Variants in NOVA2 observed in about 807,000 individuals in gnomAD.
The protein encoded by NOVA2 is RNA-binding protein Nova-2.
Under a neutral mutation model 22.5 loss-of-function variants are expected in NOVA2, and 9 were observed. The observed-to-expected ratio is 0.40, with a 90% CI of 0.24 to 0.70. The LOEUF (loss-of-function observed/expected upper bound fraction) is 0.70. NOVA2 is among the 30% of genes least tolerant of loss of function. NOVA2 has a pLI of 0.38. For missense variants in NOVA2, 383 were observed against 682.8 expected, an observed-to-expected ratio of 0.56 and a Z score of 4.89; for synonymous variants, 318 against 335.2, an observed-to-expected ratio of 0.95 and a Z score of 0.56.
intron 1 of NOVA2, among the ~76,000 whole-genome samples, chr19:45,972,455 C>T (rs1968244959): frequency 6.6e-6 from 1 of 152,156 alleles, no homozygotes; most frequent in African/African-American, 2.4e-5. Flanking sequence ...GTCCCCCACA[C>T]ACCTCCTTGC....
At position 45,973,351 on chromosome 19, in the gene NOVA2, TGG is replaced by T; in HGVS notation, c.-2_-1del. On this transcript the variant is annotated 5_prime_UTR_variant, in exon 1 of 4. Transcript: ENST00000263257. ...CGGGAATCCGGGGCCTCGGGCTCCATGGGGGGGGCCTGGGGCGGCGGCTGCTG... is the reference window on the plus strand; with the variant it reads ...CGGGAATCCGGGGCCTCGGGCTCCATGGGGGGCCTGGGGCGGCGGCTGCTG... 2 of 1,046,032 alleles carry T rather than the reference TGG, an allele frequency of 1.9e-6. No individual in the cohort carries two copies. The highest frequency in any genetic ancestry group is 2.4e-6 in the Non-Finnish European group (2 of 833,188). 64.8% of individuals were successfully genotyped at this position (1,046,032 alleles called of 1,614,324 possible).
chr19:45,942,282 C>A (rs996626700), intron 3 of NOVA2, among the ~76,000 whole-genome samples: 1 of 151,990 alleles, frequency 6.6e-6, no homozygotes, highest in East Asian at 1.9e-4. Flanking sequence ...GTCATTAGGG[C>A]GGGCCCTAAT....
Position 45,936,394 on chromosome 19 carries a change from A to G in NOVA2, c.*3469T>C, listed in dbSNP as rs1967653060. The G allele has an allele frequency of 6.6e-6, 1 of 151,728 alleles. No individual in the cohort carries two copies. Among genetic ancestry groups the G allele is most frequent in the Admixed American group, 6.6e-5 (1 of 15,242 alleles). The allele number at this position is 151,728 out of a possible 1,614,324, so 9.4% of individuals were successfully genotyped here. On this transcript the variant is annotated 3_prime_UTR_variant, in exon 4 of 4. Transcript: ENST00000263257. ...TTTTTTTTTTCTTACAAAGATTCTA[A>G]GAAAAACTCAGGGTGGGAGGGCTGT... is the stretch of plus-strand genomic sequence containing the variant.
chr19:45,943,892 G>A (rs966446071), intron 3 of NOVA2, among the ~76,000 whole-genome samples: 6 of 152,136 alleles, frequency 3.9e-5, no homozygotes, highest in Non-Finnish European at 7.4e-5. Context: ...AAGAGCTACT[G>A]AAATTTCCAG....
chr19:45,935,117 G>C lies in NOVA2; in HGVS notation c.*4746C>G, dbSNP rs566945214. ...AGAAGATGAGAGGTTGGTGGTTTTG[G>C]GGGGAGAGGTGGGGTAGGGAAAGGG... On this transcript the variant is annotated 3_prime_UTR_variant, in exon 4 of 4. Transcript: ENST00000263257. 17 of 151,292 alleles carry C rather than the reference G, an allele frequency of 1.1e-4. No individual in the cohort carries two copies. The highest frequency in any genetic ancestry group is 3.2e-4 in the African/African-American group (13 of 41,126). 9.4% of individuals were successfully genotyped at this position (151,292 alleles called of 1,614,324 possible). A position where few individuals can be genotyped will look rare whatever the true frequency, so the allele number is the denominator to read the frequency against.
chr19:45,940,159 G>A lies in NOVA2; in HGVS notation c.1183C>T (p.Leu395=). The change falls in exon 4 of 4, where the codon CTG becomes TTG. Residue 395 remains leucine (L), a synonymous_variant. Coordinates refer to ENST00000263257, the MANE Select transcript of NOVA2 (RefSeq NM_002516.4). ...TCAGCCGCCAGCTTCTCCGCCGTCAGGAAGCCCCCGGCCGCCCCGGCCGCG... is the reference window on the plus strand; with the variant it reads ...TCAGCCGCCAGCTTCTCCGCCGTCAAGAAGCCCCCGGCCGCCCCGGCCGCG... ...AAAAGAAGGF[L]TAEKLAAESA... 1 of 1,602,856 alleles carries A rather than the reference G, an allele frequency of 6.2e-7. No homozygotes were observed. The highest frequency in any genetic ancestry group is 1.1e-5 in the South Asian group (1 of 90,836).
At chr19:45,953,472 G>A (rs993409227) in intron 3 of NOVA2, among the ~76,000 whole-genome samples, 3 of 152,138 alleles carry the variant, frequency 2.0e-5, no homozygotes, top group Admixed American at 2.0e-4. Flanking sequence ...AATGGGATGA[G>A]GTGGAAGAGA....
chr19:45,971,594 T>C (rs1302577064), intron 1 of NOVA2, among the ~76,000 whole-genome samples: 2 of 151,484 alleles, frequency 1.3e-5, no homozygotes. Context: ...AGGGCTAGGA[T>C]GGGAGGAAGA....
At chr19:45,954,158 A>T (rs1055484765) in intron 2 of NOVA2, among the ~76,000 whole-genome samples, 1 of 152,100 alleles carries the variant, frequency 6.6e-6, no homozygotes, top group Admixed American at 6.5e-5. Flanking sequence ...TCTGCACTTC[A>T]TCTCCCTCCC....
Position 45,935,018 on chromosome 19 carries a change from G to A in NOVA2, c.*4845C>T, listed in dbSNP as rs968184039. The A allele has an allele frequency of 6.6e-6, 1 of 151,936 alleles. No individual in the cohort carries two copies. The highest frequency in any genetic ancestry group is 2.4e-5 in the African/African-American group (1 of 41,300). The allele number at this position is 151,936 out of a possible 1,614,324, so 9.4% of individuals were successfully genotyped here. On this transcript the variant is annotated 3_prime_UTR_variant, in exon 4 of 4. Transcript: ENST00000263257. ...TAATCAAAAAGAGTTCGATGAGCGA[G>A]TCTGACGGTCGAGTGGGGCGGGCTG...
rs1171272511 is a variant in NOVA2, at chr19:45,937,440, T to G, written c.*2423A>C. The G allele has an allele frequency of 1.3e-5, 2 of 152,442 alleles. No individual in the cohort carries two copies. The highest frequency in any genetic ancestry group is 2.4e-5 in the African/African-American group (1 of 41,452). The allele number at this position is 152,442 out of a possible 1,614,324, so 9.4% of individuals were successfully genotyped here. ...GGTCCTGGGGGGCTGTAGGGGGATATTCCAGCTAGATACTGTAATACTCGC... is the reference window on the plus strand; with the variant it reads ...GGTCCTGGGGGGCTGTAGGGGGATAGTCCAGCTAGATACTGTAATACTCGC... On this transcript the variant is annotated 3_prime_UTR_variant, in exon 4 of 4. Coordinates refer to ENST00000263257, the MANE Select transcript of NOVA2 (RefSeq NM_002516.4).
chr19:45,954,041 G>T (rs1967966881), intron 2 of NOVA2, 95 bp from the exon 3 acceptor site: 1 of 1,380,504 alleles, frequency 7.2e-7, no homozygotes, highest in Non-Finnish European at 1.0e-6. Flanking sequence ...GCAAGCTGAG[G>T]TCCAGAGAGT....
Position 45,940,817 on chromosome 19 carries a change from C to A in NOVA2, c.525G>T (p.Leu175=), listed in dbSNP as rs1600596636. The stretch of plus-strand genomic sequence containing the variant: ...CGCTGACCGTCACCACGCGCTCCTG[C>A]AGGTTGATGCCCTCCGGCTTCTGGG... The part of the protein sequence containing the change: ...QLSQKPEGIN[L]QERVVTVSGE... The change falls in exon 4 of 4, where the codon CTG becomes CTT. Residue 175 remains leucine, a synonymous_variant. Transcript: ENST00000263257. The A allele has an allele frequency of 1.2e-6, 2 of 1,606,280 alleles. No homozygotes were observed. The highest frequency in any genetic ancestry group is 1.7e-6 in the Non-Finnish European group (2 of 1,179,920).
intron 2 of NOVA2, among the ~76,000 whole-genome samples, chr19:45,956,269 G>A (rs1030767188): frequency 1.3e-5 from 2 of 152,106 alleles, no homozygotes; most frequent in African/African-American, 4.8e-5. Flanking sequence ...AGGGGGAGGT[G>A]GATGCCCCAG....
At position 45,954,009 on chromosome 19, in the gene NOVA2, C is replaced by G. The variant is rs1359019578; in HGVS notation, c.230-63G>C. The G allele has an allele frequency of 4.5e-6, 7 of 1,561,602 alleles. No individual in the cohort carries two copies. In the Admixed American group the frequency reaches 1.2e-4, roughly 27 times the overall value. On this transcript the variant is annotated intron_variant, in intron 2 of 3. Transcript: ENST00000263257. ...CAGGAATGGGAACATTCCTGAGAGA[C>G]AGGCCCCATTTAATGGAAGAGGCAA...
intron 3 of NOVA2, among the ~76,000 whole-genome samples, chr19:45,949,489 G>A (rs1419366472): frequency 6.6e-6 from 1 of 152,180 alleles, no homozygotes; most frequent in East Asian, 1.9e-4. Context: ...AGGACAAGGG[G>A]TTAATCATGT....
At chr19:45,947,378 A>G (rs569959879) in intron 3 of NOVA2, among the ~76,000 whole-genome samples, 24 of 152,196 alleles carry the variant, frequency 1.6e-4, no homozygotes, top group Admixed American at 1.4e-3. Flanking sequence ...GGGGAGTGGT[A>G]GAGTACTATG....
At chr19:45,953,757 A>G (rs775028888) in intron 3 of NOVA2, 23 bp downstream of exon 3, 6 of 1,613,830 alleles carry the variant, frequency 3.7e-6, no homozygotes, top group African/African-American at 2.7e-5. Context: ...CTTTACAGCA[A>G]CCCAGTCTCT....
chr19:45,946,297 G>C (rs183862735), intron 3 of NOVA2, among the ~76,000 whole-genome samples: 70 of 152,242 alleles, frequency 4.6e-4, no homozygotes, highest in Non-Finnish European at 9.4e-4. Context: ...GCCAGACCTT[G>C]TGAACAAGAA....
Sources: allele counts gnomAD v4.1 joint callset (sites outside exome capture counted in the v4.1 genomes callset), GRCh38; gene constraint gnomAD v4.1.1; transcripts MANE v1.5; gene names NCBI Gene and HGNC (gene_info 2026-07-23, HGNC 2026-07-21).